The following TENM2 variants were observed in gnomAD, a reference collection of about 807,000 sequenced individuals.
TENM2 encodes teneurin transmembrane protein 2, also known as teneurin-2.
A neutral mutation model predicts 245.2 loss-of-function variants in TENM2; 52 were observed. The ratio of observed to expected loss-of-function variants is 0.21; its 90% confidence interval spans 0.17 to 0.27. The LOEUF (loss-of-function observed/expected upper bound fraction) is 0.27. Among genes scored for constraint, TENM2 ranks in the 10% least tolerant of loss-of-function variants. The pLI is 1.00. For synonymous variants in TENM2, 1,363 were observed against 1,438.9 expected (o/e 0.95, Z 1.19); for missense variants, 3,046 against 3,666.8 (o/e 0.83, Z 4.37).
chr5:167,397,109 A>G (rs1345279892), intron 2 of TENM2, among the ~76,000 whole-genome samples: 1 of 152,182 alleles, frequency 6.6e-6, no homozygotes, highest in Non-Finnish European at 1.5e-5. Context: ...AACATTTTCT[A>G]ACACACTGTA....
chr5:167,478,971 AT>A (rs1767574889), intron 2 of TENM2, among the ~76,000 whole-genome samples: 1 of 117,620 alleles, frequency 8.5e-6, no homozygotes, highest in Admixed American at 1.0e-4. Context: ...GCATGATTGC[AT>A]ATGACTACTT....
chr5:167,462,384 C>T (rs1435155341), intron 2 of TENM2, among the ~76,000 whole-genome samples: 1 of 152,110 alleles, frequency 6.6e-6, no homozygotes. Context: ...TGTTACAGTG[C>T]TCTTTTAGCT....
At chr5:168,258,260 G>A (rs1018136576) in intron 27 of TENM2, among the ~76,000 whole-genome samples, 1 of 152,112 alleles carries the variant, frequency 6.6e-6, no homozygotes, top group Non-Finnish European at 1.5e-5. Flanking sequence ...CCAGCACTTT[G>A]GGAGGCCGAG....
intron 3 of TENM2, among the ~76,000 whole-genome samples, chr5:167,928,090 C>T (rs886835370): frequency 6.6e-6 from 1 of 152,176 alleles, no homozygotes; most frequent in African/African-American, 2.4e-5. Flanking sequence ...CACAACTCTT[C>T]CTCCTACTCT....
intron 2 of TENM2, among the ~76,000 whole-genome samples, chr5:167,794,613 A>G (rs1765198306): frequency 6.6e-6 from 1 of 152,250 alleles, no homozygotes; most frequent in South Asian, 2.1e-4. Context: ...TGAAGGAAGG[A>G]GAAAGAAGTA....
intron 13 of TENM2, among the ~76,000 whole-genome samples, chr5:168,181,400 T>C (rs1283279920): frequency 6.6e-6 from 1 of 152,222 alleles, no homozygotes; most frequent in Non-Finnish European, 1.5e-5. Flanking sequence ...AGCCTTGATT[T>C]TCTTAAGCAG....
At chr5:167,722,333 A>G (rs1437541084) in intron 2 of TENM2, among the ~76,000 whole-genome samples, 2 of 152,344 alleles carry the variant, frequency 1.3e-5, no homozygotes, top group South Asian at 4.1e-4. Flanking sequence ...AAAGGATGCT[A>G]TGGTCAGAAT....
Position 167,946,337 on chromosome 5 carries a change from A to G in TENM2, c.713-6251A>G, listed in dbSNP as rs145391964. Among the ~76,000 whole-genome samples the G allele has an allele frequency of 3.9e-3, 549 of 141,768 alleles. 4 individuals are homozygous for G. The highest frequency in any genetic ancestry group is 0.015 in the African/African-American group (527 of 35,144). 93.0% of individuals were successfully genotyped at this position (141,768 alleles called of 152,430 possible). A position where few individuals can be genotyped will look rare whatever the true frequency, so the allele number is the denominator to read the frequency against. On this transcript the variant is annotated intron_variant, in intron 3 of 28. Transcript: ENST00000518659. ...CAGGCCTAATTGCTGCTCATTCCTCATGCTGCCCCTCACGCCGCTGGTTAG... is the reference window on the plus strand; with the variant it reads ...CAGGCCTAATTGCTGCTCATTCCTCGTGCTGCCCCTCACGCCGCTGGTTAG...
intron 1 of TENM2, among the ~76,000 whole-genome samples, chr5:167,359,064 G>A (rs1759536024): frequency 1.3e-5 from 2 of 152,072 alleles, no homozygotes; most frequent in African/African-American, 2.4e-5. Context: ...ATTTTAAGTG[G>A]TCTCCTTGAT....
intron 2 of TENM2, among the ~76,000 whole-genome samples, chr5:167,637,812 G>C (rs1314389826): frequency 6.6e-6 from 1 of 152,090 alleles, no homozygotes; most frequent in African/African-American, 2.4e-5. Flanking sequence ...GGGGCCTATT[G>C]TGGGTTGGGG....
chr5:168,262,043 C>T lies in TENM2; in HGVS notation c.7564-6C>T, dbSNP rs749532738. Reference sequence around the variant, plus strand: ...CTCAGCTTTCTCTGTTTTCTTATCCCCACAGCTCATTACAGGTGTCCAACA... The same window carrying T: ...CTCAGCTTTCTCTGTTTTCTTATCCTCACAGCTCATTACAGGTGTCCAACA... On this transcript the variant is annotated splice_region_variant and splice_polypyrimidine_tract_variant and intron_variant, in intron 28 of 28. Transcript: ENST00000518659. 9.3e-6 allele frequency: 15 copies of T among 1,610,136 alleles called. No individual in the cohort carries two copies. The highest frequency in any genetic ancestry group is 1.2e-5 in the Non-Finnish European group (14 of 1,176,792).
At chr5:167,317,457 C>G (rs115613214) in intron 1 of TENM2, among the ~76,000 whole-genome samples, 1,823 of 152,186 alleles carry the variant, frequency 0.012, 42 homozygotes, top group African/African-American at 0.04. Context: ...CAGTTAATCA[C>G]TAAGAGAATT....
intron 7 of TENM2, among the ~76,000 whole-genome samples, chr5:168,063,236 T>C (rs1002901894): frequency 6.6e-6 from 1 of 152,236 alleles, no homozygotes; most frequent in Non-Finnish European, 1.5e-5. Flanking sequence ...TCCCCTGTAC[T>C]AAGTTCCTTG....
intron 10 of TENM2, among the ~76,000 whole-genome samples, chr5:168,121,591 C>T (rs1356802388): frequency 6.6e-6 from 1 of 152,082 alleles, no homozygotes; most frequent in African/African-American, 2.4e-5. Flanking sequence ...TGTGGATTTT[C>T]CTCCTTCCTT....
chr5:167,713,680 A>T (rs904020014), intron 2 of TENM2, among the ~76,000 whole-genome samples: 1 of 151,758 alleles, frequency 6.6e-6, no homozygotes, highest in Non-Finnish European at 1.5e-5. Context: ...GTTTATACAC[A>T]TATGCACACA....
In TENM2 at chr5:168,094,362, T is replaced by A. The variant is rs559692222; in HGVS notation, c.1711+3593T>A. ...GCTGCTTGATCGCCAAAGATGTAAG[T>A]TTTGAGAACAGGGAGCCTTGACCTC... On this transcript the variant is annotated intron_variant, in intron 8 of 28. Coordinates refer to ENST00000518659, the Ensembl canonical transcript of TENM2. Among the ~76,000 whole-genome samples, 3 of 152,038 alleles carry A rather than the reference T, an allele frequency of 2.0e-5. No individual in the cohort carries two copies. The East Asian group carries it at 5.8e-4, about 29-fold the overall frequency.
At chr5:168,235,879 T>C (rs1043846773) in intron 25 of TENM2, among the ~76,000 whole-genome samples, 5 of 152,012 alleles carry the variant, frequency 3.3e-5, no homozygotes, top group Non-Finnish European at 5.9e-5. Context: ...GAATATATGA[T>C]ATAGGTTAAG....
chr5:168,190,972 TG>T (rs988647171), intron 14 of TENM2: 14 of 157,690 alleles, frequency 8.9e-5, no homozygotes, highest in African/African-American at 3.4e-4. Context: ...ACCTATCATT[TG>T]GTGGCATCTT....
intron 2 of TENM2, among the ~76,000 whole-genome samples, chr5:167,642,140 C>CA (rs34089047): frequency 0.58 from 75,178 of 129,800 alleles, 23,880 homozygotes; most frequent in Non-Finnish European, 0.74. Flanking sequence ...GACGCTGTCT[C>CA]AAAAAAAAAA....
Sources: allele counts gnomAD v4.1 joint callset (sites outside exome capture counted in the v4.1 genomes callset), GRCh38; gene constraint gnomAD v4.1.1; transcripts MANE v1.5; gene names NCBI Gene and HGNC (gene_info 2026-07-23, HGNC 2026-07-21).